Variants in ATF7IP observed in about 807,000 individuals in gnomAD.
ATF7IP encodes the protein activating transcription factor 7-interacting protein 1.
Under a neutral mutation model 106.4 loss-of-function variants are expected in ATF7IP, and 23 were observed. That is an observed-to-expected ratio of 0.22 (90% confidence interval 0.16 to 0.31). The LOEUF is 0.31. Among genes scored for constraint, ATF7IP ranks in the 10% least tolerant of loss-of-function variants. ATF7IP has a pLI of 1.00. For missense variants in ATF7IP, 1,334 were observed against 1,524.3 expected (o/e 0.88, Z 2.08); for synonymous variants, 542 against 539.0 (o/e 1.01, Z -0.08).
In ATF7IP at chr12:14,460,939, C is replaced by A; in HGVS notation, c.2603C>A (p.Thr868Lys). ...ACTGCCAGTGCTGCACCATTGGGAA[C>A]AACACTTGCTGTGCAGGCTGTTCCA... ...NPTASAAPLG[T>K]TLAVQAVPTA... Residue 868 changes from threonine to lysine, a missense_variant, in exon 9 of 15, where the codon ACA becomes AAA. Coordinates refer to ENST00000261168, the MANE Select transcript of ATF7IP (RefSeq NM_018179.5). 6.2e-7 allele frequency: 1 copy of A among 1,614,206 alleles called. No homozygotes were observed. The highest frequency in any genetic ancestry group is 8.5e-7 in the Non-Finnish European group (1 of 1,180,040).
chr12:14,410,740 G>GT (rs1940867963), intron 1 of ATF7IP, among the ~76,000 whole-genome samples: 1 of 149,276 alleles, frequency 6.7e-6, no homozygotes. Flanking sequence ...TAATTTATAA[G>GT]TTAAATGTAT....
intron 6 of ATF7IP, among the ~76,000 whole-genome samples, chr12:14,451,920 G>A (rs895335364): frequency 6.6e-6 from 1 of 152,092 alleles, no homozygotes; most frequent in East Asian, 1.9e-4. Context: ...TTGATATTCT[G>A]TCTGATGGTT....
chr12:14,413,438 A>G (rs1941033679), intron 1 of ATF7IP, among the ~76,000 whole-genome samples: 2 of 152,182 alleles, frequency 1.3e-5, no homozygotes, highest in South Asian at 4.1e-4. Context: ...TCCATTTTCA[A>G]AGAGATAAAG....
intron 1 of ATF7IP, among the ~76,000 whole-genome samples, chr12:14,385,749 AT>A (rs551867868): frequency 4.0e-5 from 6 of 150,086 alleles, no homozygotes; most frequent in African/African-American, 1.5e-4. Context: ...ATCTGAATAG[AT>A]TTTTTTTTTA....
chr12:14,492,709 C>G (rs1259537625), intron 13 of ATF7IP, among the ~76,000 whole-genome samples: 1 of 152,218 alleles, frequency 6.6e-6, no homozygotes, highest in Non-Finnish European at 1.5e-5. Flanking sequence ...TTTGCCTCTG[C>G]TGTCCATTAT....
At chr12:14,372,491 G>A (rs1938572342) in intron 1 of ATF7IP, among the ~76,000 whole-genome samples, 2 of 151,432 alleles carry the variant, frequency 1.3e-5, no homozygotes, top group South Asian at 4.2e-4. Flanking sequence ...ATAGGCCTAA[G>A]GGAACAGTTA....
chr12:14,446,044 G>T (rs1942940102), intron 5 of ATF7IP, among the ~76,000 whole-genome samples: 1 of 151,748 alleles, frequency 6.6e-6, no homozygotes, highest in Non-Finnish European at 1.5e-5. Flanking sequence ...CTTTCAATAT[G>T]TATTTGGGCA....
intron 5 of ATF7IP, among the ~76,000 whole-genome samples, chr12:14,439,706 G>A (rs971138929): frequency 2.6e-5 from 4 of 152,088 alleles, no homozygotes; most frequent in African/African-American, 7.2e-5. Flanking sequence ...GGTAGTGCAT[G>A]CCTGTAGTCC....
In ATF7IP at chr12:14,461,270, T is replaced by A. The variant is rs7959789; in HGVS notation, c.2797+137T>A. 9,936 of 800,644 alleles carry A rather than the reference T, an allele frequency of 0.012. 730 individuals carry two copies. The African/African-American group carries it at 0.16, about 13-fold the overall frequency. The allele number at this position is 800,644 out of a possible 1,614,324, so 49.6% of individuals were successfully genotyped here. A position where few individuals can be genotyped will look rare whatever the true frequency, so the allele number is the denominator to read the frequency against. ...GAATTTTCTTGATTATTTTTAGTAA[T>A]TTTTTAGATACCTGAGAGAAATGAT... On this transcript the variant is annotated intron_variant, in intron 9 of 14. Coordinates refer to ENST00000261168, the MANE Select transcript of ATF7IP (RefSeq NM_018179.5).
At chr12:14,434,464 A>G (rs1942303130) in intron 3 of ATF7IP, 41 bp downstream of exon 3, 1 of 1,086,540 alleles carries the variant, frequency 9.2e-7, no homozygotes. Context: ...TTGAAAAATA[A>G]TAATTCACTG....
intron 5 of ATF7IP, among the ~76,000 whole-genome samples, chr12:14,439,889 T>A (rs74380596): frequency 0.016 from 2,316 of 141,288 alleles, 59 homozygotes; most frequent in African/African-American, 0.057. Flanking sequence ...CCATCCATCC[T>A]AAAACAGTTT....
At chr12:14,436,556 G>A (rs540880859) in intron 4 of ATF7IP, among the ~76,000 whole-genome samples, 14 of 152,276 alleles carry the variant, frequency 9.2e-5, no homozygotes, top group African/African-American at 2.9e-4. Flanking sequence ...GCTGGATGTT[G>A]TGGTGGGTGC....
chr12:14,447,095 A>C (rs1943000407), intron 6 of ATF7IP, 42 bp downstream of exon 6: 2 of 1,453,898 alleles, frequency 1.4e-6, no homozygotes, highest in African/African-American at 2.9e-5. Flanking sequence ...TTTAGCACTA[A>C]GTGGTAATCT....
intron 13 of ATF7IP, among the ~76,000 whole-genome samples, chr12:14,488,214 G>A (rs1256513441): frequency 6.6e-6 from 1 of 151,780 alleles, no homozygotes; most frequent in Non-Finnish European, 1.5e-5. Context: ...ACACACACAC[G>A]TATCCTATAA....
intron 2 of ATF7IP, among the ~76,000 whole-genome samples, chr12:14,427,654 G>A (rs962889716): frequency 2.0e-5 from 3 of 152,092 alleles, no homozygotes; most frequent in African/African-American, 4.8e-5. Context: ...GTGAGCCACC[G>A]CGTCTGGCCA....
Position 14,424,832 on chromosome 12 carries a change from T to C in ATF7IP, c.917T>C (p.Ile306Thr), listed in dbSNP as rs923558361. Residue 306 changes from isoleucine (I) to threonine (T), a missense_variant, in exon 2 of 15, where the codon ATA becomes ACA. Around this residue, in one of 10 missense-constraint regions of ATF7IP, gnomAD observed 438 missense variants for 405.3 expected, o/e 1.08. Coordinates refer to ENST00000261168, the MANE Select transcript of ATF7IP (RefSeq NM_018179.5). ...VCEPVPEIDN[I>T]EPSSNKDDDF... ...GAACCAGTTCCTGAAATTGACAATA[T>C]AGAACCAAGTAGCAATAAAGATGAT... The C allele has an allele frequency of 3.7e-6, 6 of 1,613,452 alleles. No homozygotes were observed. Among genetic ancestry groups the C allele is most frequent in the South Asian group, 1.1e-5 (1 of 90,828 alleles).
At chr12:14,484,158 T>C (rs969564570) in intron 13 of ATF7IP, among the ~76,000 whole-genome samples, 1 of 152,140 alleles carries the variant, frequency 6.6e-6, no homozygotes, top group East Asian at 1.9e-4. Flanking sequence ...TCTCTGCTGC[T>C]GGCAAATTGG....
chr12:14,450,487 C>T (rs1943161150), intron 6 of ATF7IP, among the ~76,000 whole-genome samples: 1 of 152,144 alleles, frequency 6.6e-6, no homozygotes, highest in Non-Finnish European at 1.5e-5. Context: ...ATATCTTGAC[C>T]TATCCTTGCA....
chr12:14,390,725 C>T (rs886813088), intron 1 of ATF7IP, among the ~76,000 whole-genome samples: 5 of 152,102 alleles, frequency 3.3e-5, no homozygotes, highest in African/African-American at 1.2e-4. Flanking sequence ...GGCCGTTAGG[C>T]CATTACAAAC....
Sources: gnomAD v4.1 joint callset for allele counts (sites outside exome capture counted in the v4.1 genomes callset) on GRCh38, gnomAD v4.1.1 for gene constraint, gnomAD v4.1.1 regional missense constraint, MANE v1.5 for transcripts, NCBI Gene and HGNC (gene_info 2026-07-23, HGNC 2026-07-21) for gene names.